Variants in PMP22 observed in about 807,000 individuals in gnomAD.
The protein encoded by PMP22 is Charcot-Marie-Tooth neuropathy 1A (greatly reduced nerve conduction velocity, hereditary motor sensory neuropathy Ia).
PMP22 carries 2 observed loss-of-function variants against 18.9 expected under a neutral mutation model. The observed-to-expected ratio is 0.11, with a 90% confidence interval of 0.04 to 0.33. The LOEUF (loss-of-function observed/expected upper bound fraction) is 0.33, where lower values mean the gene tolerates loss of function less well. PMP22 is among the 10% of genes least tolerant of loss of function. The probability of loss-of-function intolerance (pLI) is 1.00; values close to 1 mark genes in which losing one functional copy is unlikely to be tolerated. For missense variants in PMP22, 169 were observed against 202.2 expected (o/e 0.84, Z 1.00); for synonymous variants, 95 against 89.2 (o/e 1.07, Z -0.37).
At chr17:15,263,588 C>CACAA (rs1555569276) in intron 1 of PMP22, among the ~76,000 whole-genome samples, 2 of 148,972 alleles carry the variant, frequency 1.3e-5, no homozygotes, top group Admixed American at 6.6e-5. Flanking sequence ...CGCGCGCACA[C>CACAA]ACACACACAC....
chr17:15,246,581 A>C (rs1907835452), intron 3 of PMP22, among the ~76,000 whole-genome samples: 1 of 152,230 alleles, frequency 6.6e-6, no homozygotes, highest in African/African-American at 2.4e-5. Flanking sequence ...CACAAGCCCC[A>C]GTGTGGCGAT....
Position 15,264,210 on chromosome 17 carries a change from A to G in PMP22, c.-35+944T>C, listed in dbSNP as rs55987994. ...TGCACTAAAGTAGCTTGTAACTCTG[A>G]TAGGTAGGTAGGTAGGTAGGTAGAT... On this transcript the variant is annotated intron_variant, in intron 1 of 4. Transcript: ENST00000312280. Among the ~76,000 whole-genome samples, 193 of 150,164 alleles carry G rather than the reference A, an allele frequency of 1.3e-3. 1 individual carries two copies. Among genetic ancestry groups the G allele is most frequent in the African/African-American group, 4.7e-3 (189 of 40,368 alleles).
chr17:15,241,692 C>T (rs1363466794), intron 3 of PMP22, among the ~76,000 whole-genome samples: 1 of 152,186 alleles, frequency 6.6e-6, no homozygotes, highest in East Asian at 1.9e-4. Context: ...CTTGAAACAT[C>T]TTTCAACATT....
At chr17:15,236,034 A>C (rs1444451377) in intron 4 of PMP22, among the ~76,000 whole-genome samples, 1 of 150,420 alleles carries the variant, frequency 6.6e-6, no homozygotes, top group African/African-American at 2.4e-5. Flanking sequence ...TGCTGGGATT[A>C]CAGGCGTGAG....
Position 15,239,618 on chromosome 17 carries a change from G to C in PMP22, c.179-7C>G. 1 of 1,613,764 alleles carries C rather than the reference G, an allele frequency of 6.2e-7. No individual in the cohort carries two copies. Among genetic ancestry groups the C allele is most frequent in the South Asian group, 1.1e-5 (1 of 91,066 alleles). ...TGGACAGACTGCAGCCATTCTGGGG[G>C]AAAGAGACACTTGGTTAGGAGAGCT... is the stretch of plus-strand genomic sequence containing the variant. On this transcript the variant is annotated splice_region_variant and splice_polypyrimidine_tract_variant and intron_variant, in intron 3 of 4. Coordinates refer to ENST00000312280, the MANE Select transcript of PMP22 (RefSeq NM_000304.4).
chr17:15,239,999 A>G (rs1907183777), intron 3 of PMP22, among the ~76,000 whole-genome samples: 1 of 152,244 alleles, frequency 6.6e-6, no homozygotes, highest in South Asian at 2.1e-4. Context: ...ACACACATAT[A>G]TATAAAAAAC....
intron 3 of PMP22, among the ~76,000 whole-genome samples, chr17:15,257,779 T>C (rs768103936): frequency 8.5e-5 from 13 of 152,222 alleles, no homozygotes; most frequent in Non-Finnish European, 1.3e-4. Flanking sequence ...CTCACTCCAA[T>C]AGGACTGGGA....
Position 15,230,833 on chromosome 17 carries a change from CT to C in PMP22, c.*83del, listed in dbSNP as rs1222938795. The stretch of plus-strand genomic sequence containing the variant: ...GTTTGAGTTTGGGATTTTGGGCTAG[CT>C]CTTTTTTCTTTGTCTGCTTTCTGTT... On this transcript the variant is annotated 3_prime_UTR_variant, in exon 5 of 5. Coordinates refer to ENST00000312280, the MANE Select transcript of PMP22 (RefSeq NM_000304.4). The C allele has an allele frequency of 2.1e-5, 32 of 1,493,500 alleles. No individual in the cohort carries two copies. Among genetic ancestry groups the C allele is most frequent in the Non-Finnish European group, 2.9e-5 (31 of 1,076,678 alleles). 92.5% of individuals were successfully genotyped at this position (1,493,500 alleles called of 1,614,324 possible). A position where few individuals can be genotyped will look rare whatever the true frequency, so the allele number is the denominator to read the frequency against.
intron 3 of PMP22, among the ~76,000 whole-genome samples, chr17:15,246,027 A>AG (rs890705482): frequency 2.6e-5 from 4 of 151,908 alleles, no homozygotes; most frequent in African/African-American, 7.3e-5. Context: ...CTCAAAAAAA[A>AG]AAAAAAGAAA....
At chr17:15,259,265 G>T in intron 2 of PMP22, 72 bp from the exon 3 acceptor site, 1 of 1,266,088 alleles carries the variant, frequency 7.9e-7, no homozygotes, top group Non-Finnish European at 1.1e-6. Context: ...AAGGAGAAAG[G>T]CCCAGGGATG....
intron 2 of PMP22, 89 bp from the exon 3 acceptor site, chr17:15,259,282 A>G: frequency 9.6e-7 from 1 of 1,043,106 alleles, no homozygotes; most frequent in African/African-American, 1.6e-5. Flanking sequence ...GATGGCGAAA[A>G]GCACCCGCAT....
intron 3 of PMP22, among the ~76,000 whole-genome samples, chr17:15,253,101 C>T (rs1908503753): frequency 6.6e-6 from 1 of 152,198 alleles, no homozygotes; most frequent in African/African-American, 2.4e-5. Flanking sequence ...ATTTTAAACT[C>T]ACCCATAGGG....
At chr17:15,263,979 C>T (rs1415229203) in intron 1 of PMP22, among the ~76,000 whole-genome samples, 1 of 152,150 alleles carries the variant, frequency 6.6e-6, no homozygotes, top group East Asian at 1.9e-4. Flanking sequence ...TTCTCAAGTT[C>T]ACTGAGCTTC....
chr17:15,263,422 C>G, intron 1 of PMP22, among the ~76,000 whole-genome samples: 1 of 152,092 alleles, frequency 6.6e-6, no homozygotes. Context: ...GCCCGCCCAG[C>G]GTTACAGGGA....
chr17:15,230,777 C>A lies in PMP22; in HGVS notation c.*140G>T. Reference sequence around the variant, plus strand: ...TATATACATCTTCAATCAACAGCAACCCCCACCTCCACTGCTTTCTGTTTG... The same window carrying A: ...TATATACATCTTCAATCAACAGCAAACCCCACCTCCACTGCTTTCTGTTTG... On this transcript the variant is annotated 3_prime_UTR_variant, in exon 5 of 5. Coordinates refer to ENST00000312280, the MANE Select transcript of PMP22 (RefSeq NM_000304.4). 1 of 820,354 alleles carries A rather than the reference C, an allele frequency of 1.2e-6. No homozygotes were observed. The highest frequency in any genetic ancestry group is 1.7e-5 in the African/African-American group (1 of 59,290). The allele number at this position is 820,354 out of a possible 1,614,324, so 50.8% of individuals were successfully genotyped here.
intron 4 of PMP22, among the ~76,000 whole-genome samples, chr17:15,234,880 GATCATAGTTC>G (rs1020962215): frequency 6.6e-6 from 1 of 151,788 alleles, no homozygotes. Flanking sequence ...GCAGGGGCCT[GATCATAGTTC>G]ACTGTAGTCT....
At chr17:15,262,845 G>T (rs1909452629) in intron 1 of PMP22, among the ~76,000 whole-genome samples, 1 of 152,194 alleles carries the variant, frequency 6.6e-6, no homozygotes, top group Non-Finnish European at 1.5e-5. Context: ...CCGAGAAACT[G>T]GCTCCTCAGC....
intron 3 of PMP22, among the ~76,000 whole-genome samples, chr17:15,247,169 A>G (rs187968802): frequency 2.3e-5 from 3 of 129,254 alleles, no homozygotes; most frequent in African/African-American, 7.6e-5. Flanking sequence ...GGAGATTGAG[A>G]CCATCCTGGC....
chr17:15,250,393 A>G (rs1908229775), intron 3 of PMP22, among the ~76,000 whole-genome samples: 1 of 152,056 alleles, frequency 6.6e-6, no homozygotes. Context: ...AAGTAACTGT[A>G]TTCAGCACCA....
Sources: allele counts gnomAD v4.1 joint callset (sites outside exome capture counted in the v4.1 genomes callset), GRCh38; gene constraint gnomAD v4.1.1; transcripts MANE v1.5; gene names NCBI Gene and HGNC (gene_info 2026-07-23, HGNC 2026-07-21).